The following NAALADL2 variants were observed in gnomAD, a reference collection of about 807,000 sequenced individuals.
The protein encoded by NAALADL2 is inactive N-acetylated-alpha-linked acidic dipeptidase-like protein 2.
Under a neutral mutation model 87.2 loss-of-function variants are expected in NAALADL2, and 76 were observed. The ratio of observed to expected loss-of-function variants is 0.87; its 90% CI spans 0.72 to 1.05. NAALADL2 has a LOEUF of 1.05. NAALADL2 is among the 50% of genes least tolerant of loss of function. The pLI is 0.00. For synonymous variants in NAALADL2, 354 were observed against 331.0 expected, an observed-to-expected ratio of 1.07 and a Z score of -0.75; for missense variants, 1,089 against 945.8, an observed-to-expected ratio of 1.15 and a Z score of -1.99.
chr3:174,663,722 G>T (rs754314285), intron 2 of NAALADL2, among the ~76,000 whole-genome samples: 7 of 151,980 alleles, frequency 4.6e-5, no homozygotes, highest in Non-Finnish European at 1.0e-4. Context: ...AATTTTGTAG[G>T]GGACAAATAT....
At chr3:175,625,586 G>A (rs535575787) in intron 10 of NAALADL2, among the ~76,000 whole-genome samples, 74 of 152,058 alleles carry the variant, frequency 4.9e-4, no homozygotes, top group Non-Finnish European at 8.5e-4. Context: ...AATAAAAGGT[G>A]GGGAAATGAT....
intron 5 of NAALADL2, among the ~76,000 whole-genome samples, chr3:175,413,797 T>C (rs911035733): frequency 1.3e-5 from 2 of 151,352 alleles, no homozygotes; most frequent in Non-Finnish European, 2.9e-5. Context: ...GAGAGAGAGA[T>C]GGGATAGGTT....
chr3:175,423,028 A>AAAAAAT (rs1438736874), intron 5 of NAALADL2, among the ~76,000 whole-genome samples: 8 of 111,302 alleles, frequency 7.2e-5, no homozygotes, highest in African/African-American at 2.5e-4. Context: ...GAAAAAAAAA[A>AAAAAAT]ATATATATAT....
At chr3:175,264,812 A>G (rs1399032930) in intron 4 of NAALADL2, among the ~76,000 whole-genome samples, 3 of 151,588 alleles carry the variant, frequency 2.0e-5, no homozygotes, top group Non-Finnish European at 1.5e-5. Flanking sequence ...TAGAAAAACA[A>G]TATTTTTAAA....
intron 2 of NAALADL2, among the ~76,000 whole-genome samples, chr3:175,205,139 A>G (rs1233771692): frequency 6.6e-6 from 1 of 152,202 alleles, no homozygotes; most frequent in Admixed American, 6.5e-5. Context: ...AAGTGTCCAC[A>G]TAGCCAAAGC....
chr3:175,079,592 G>A (rs1230251045), intron 1 of NAALADL2: 1 of 152,058 alleles, frequency 6.6e-6, no homozygotes, highest in Non-Finnish European at 1.5e-5. Context: ...AACTATCTGG[G>A]TCTAAAGCAG....
intron 2 of NAALADL2, among the ~76,000 whole-genome samples, chr3:174,636,872 A>G (rs1424105124): frequency 6.6e-6 from 1 of 152,182 alleles, no homozygotes; most frequent in East Asian, 1.9e-4. Context: ...CTGCATTCCC[A>G]TGTTTATTGC....
chr3:175,663,107 T>C (rs1265099378), intron 11 of NAALADL2, among the ~76,000 whole-genome samples: 1 of 151,946 alleles, frequency 6.6e-6, no homozygotes, highest in Non-Finnish European at 1.5e-5. Flanking sequence ...AAATGTTTGG[T>C]AGAATTCAGC....
intron 2 of NAALADL2, among the ~76,000 whole-genome samples, chr3:174,722,586 C>T (rs1409402323): frequency 3.3e-5 from 5 of 152,116 alleles, no homozygotes; most frequent in Non-Finnish European, 7.3e-5. Flanking sequence ...CCTGTAATCC[C>T]AGCTACTCGG....
intron 1 of NAALADL2, among the ~76,000 whole-genome samples, chr3:174,987,827 T>TAA (rs1553911311): frequency 5.4e-5 from 7 of 130,554 alleles, no homozygotes; most frequent in South Asian, 2.4e-4. Flanking sequence ...TATATATATA[T>TAA]AATGAGACCT....
intron 2 of NAALADL2, among the ~76,000 whole-genome samples, chr3:175,220,762 T>C (rs1279054729): frequency 6.6e-6 from 1 of 152,214 alleles, no homozygotes; most frequent in African/African-American, 2.4e-5. Flanking sequence ...CTTTCTAATT[T>C]ATTTAAATTG....
At chr3:175,432,818 C>T (rs1322632381) in intron 5 of NAALADL2, among the ~76,000 whole-genome samples, 1 of 152,094 alleles carries the variant, frequency 6.6e-6, no homozygotes, top group Non-Finnish European at 1.5e-5. Context: ...TGGAGCCGGA[C>T]TTTGACATGC....
At chr3:174,944,266 A>G (rs1451897233) in intron 1 of NAALADL2, among the ~76,000 whole-genome samples, 5 of 152,162 alleles carry the variant, frequency 3.3e-5, no homozygotes, top group African/African-American at 1.2e-4. Flanking sequence ...ACCCAGTGAC[A>G]GGGAACAGGA....
chr3:174,657,156 AG>A (rs1375590163), intron 2 of NAALADL2, among the ~76,000 whole-genome samples: 1 of 147,058 alleles, frequency 6.8e-6, no homozygotes, highest in African/African-American at 2.5e-5. Flanking sequence ...CAGCCTCTCT[AG>A]TAGCTGGGTT....
At position 175,265,235 on chromosome 3, in the gene NAALADL2, C is replaced by T. The variant is rs564707761; in HGVS notation, c.939+8705C>T. 5.3e-5 allele frequency among the ~76,000 whole-genome samples: 8 copies of T among 151,632 alleles called. No individual in the cohort carries two copies. The South Asian group carries it at 1.5e-3, about 28-fold the overall frequency. ...GGACTTCAAGGCTTAGATTTATTTC[C>T]GGAATGGTTATGACATTGAAATTCT... On this transcript the variant is annotated intron_variant, in intron 4 of 13. Coordinates refer to ENST00000454872, the MANE Select transcript of NAALADL2 (RefSeq NM_207015.3).
intron 1 of NAALADL2, among the ~76,000 whole-genome samples, chr3:174,954,276 A>G (rs1740848976): frequency 6.6e-6 from 1 of 152,154 alleles, no homozygotes; most frequent in Non-Finnish European, 1.5e-5. Flanking sequence ...CATTTAAACC[A>G]TCTGAGAAAT....
chr3:175,515,977 T>G (rs948782196), intron 9 of NAALADL2, among the ~76,000 whole-genome samples: 1 of 152,216 alleles, frequency 6.6e-6, no homozygotes, highest in African/African-American at 2.4e-5. Flanking sequence ...AAAATAAAGC[T>G]GTTTTATTTT....
At chr3:174,454,703 A>G (rs575237451) in intron 1 of NAALADL2, among the ~76,000 whole-genome samples, 13 of 152,174 alleles carry the variant, frequency 8.5e-5, no homozygotes, top group Admixed American at 4.6e-4. Flanking sequence ...ACAAAGATAC[A>G]TACCAAAATC....
intron 1 of NAALADL2, among the ~76,000 whole-genome samples, chr3:174,527,208 G>A (rs1720846059): frequency 6.6e-6 from 1 of 152,054 alleles, no homozygotes; most frequent in South Asian, 2.1e-4. Flanking sequence ...TAAGAAAACA[G>A]ACATATATCA....
Sources: gnomAD v4.1 joint callset for allele counts (sites outside exome capture counted in the v4.1 genomes callset) on GRCh38, gnomAD v4.1.1 for gene constraint, MANE v1.5 for transcripts, NCBI Gene and HGNC (gene_info 2026-07-23, HGNC 2026-07-21) for gene names.